RASGRF2: variants seen among roughly 807,000 people sequenced by gnomAD.
RASGRF2 encodes ras-specific guanine nucleotide-releasing factor 2.
A neutral mutation model predicts 151.0 loss-of-function variants in RASGRF2; 76 were observed. The ratio of observed to expected loss-of-function variants is 0.50; its 90% CI spans 0.42 to 0.61. RASGRF2 has a LOEUF of 0.61. RASGRF2 is among the 20% of genes least tolerant of loss of function. The probability of loss-of-function intolerance (pLI) is 0.00; values close to 1 mark genes in which losing one functional copy is unlikely to be tolerated. For missense variants in RASGRF2, 1,148 were observed against 1,564.6 expected (o/e 0.73, Z 4.49); for synonymous variants, 504 against 566.5 (o/e 0.89, Z 1.57).
chr5:81,205,383 T>C (rs896425213), intron 19 of RASGRF2, among the ~76,000 whole-genome samples: 3 of 152,226 alleles, frequency 2.0e-5, no homozygotes, highest in Non-Finnish European at 4.4e-5. Context: ...CTTTGAGCTT[T>C]TGTTTCCTTA....
intron 17 of RASGRF2, among the ~76,000 whole-genome samples, chr5:81,164,859 A>C (rs1210108183): frequency 6.6e-6 from 1 of 152,206 alleles, no homozygotes; most frequent in Non-Finnish European, 1.5e-5. Context: ...TAGGCGGGGC[A>C]GAAGAGGAAC....
chr5:81,068,013 T>C lies in RASGRF2; in HGVS notation c.396-19T>C. On this transcript the variant is annotated intron_variant, in intron 2 of 26. Transcript: ENST00000265080. ...GTAGAACAATATCTCAATGACTAAC[T>C]GTGTAATTTTCTCTCAAGTTATGCA... is the stretch of plus-strand genomic sequence containing the variant. The C allele has an allele frequency of 6.3e-7, 1 of 1,580,816 alleles. No homozygotes were observed. The highest frequency in any genetic ancestry group is 8.6e-7 in the Non-Finnish European group (1 of 1,161,096).
intron 17 of RASGRF2, among the ~76,000 whole-genome samples, chr5:81,162,522 A>ATTTTTTTTTTTTT (rs1754408940): frequency 1.3e-5 from 2 of 151,944 alleles, no homozygotes; most frequent in African/African-American, 4.8e-5. Context: ...TAATTTTTGT[A>ATTTTTTTTTTTTT]TATTTTAGTA....
chr5:81,197,804 T>C (rs1435689745), intron 18 of RASGRF2, among the ~76,000 whole-genome samples: 2 of 152,252 alleles, frequency 1.3e-5, no homozygotes, highest in African/African-American at 2.4e-5. Flanking sequence ...CATATAAAGA[T>C]ATAGTCTATC....
intron 1 of RASGRF2, among the ~76,000 whole-genome samples, chr5:80,994,235 A>G (rs183341944): frequency 0.013 from 2,010 of 151,938 alleles, 26 homozygotes; most frequent in African/African-American, 0.036. Context: ...GCGTGGTGGT[A>G]GGCGCCTGTA....
chr5:81,087,311 A>T (rs1393824501), intron 9 of RASGRF2: 2 of 702,956 alleles, frequency 2.8e-6, no homozygotes, highest in Admixed American at 4.0e-5. Context: ...GCCCAGGAGA[A>T]ACTTGCGTTG....
chr5:81,228,781 G>A lies in RASGRF2; in HGVS notation c.*3011G>A, dbSNP rs1295787458. ...AGATTCAGGCATGAAGTAAAACGTCGTCACTTTTCCTTAGTGCTTTTCTGA... is the reference window on the plus strand; with the variant it reads ...AGATTCAGGCATGAAGTAAAACGTCATCACTTTTCCTTAGTGCTTTTCTGA... On this transcript the variant is annotated 3_prime_UTR_variant, in exon 27 of 27. Transcript: ENST00000265080. 1.3e-5 allele frequency: 2 copies of A among 152,090 alleles called. No homozygotes were observed. The highest frequency in any genetic ancestry group is 1.9e-4 in the East Asian group (1 of 5,196). The allele number at this position is 152,090 out of a possible 1,614,324, so 9.4% of individuals were successfully genotyped here. A position where few individuals can be genotyped will look rare whatever the true frequency, so the allele number is the denominator to read the frequency against.
At chr5:81,055,077 G>A (rs1225458707) in intron 2 of RASGRF2, among the ~76,000 whole-genome samples, 4 of 152,282 alleles carry the variant, frequency 2.6e-5, no homozygotes, top group Admixed American at 2.6e-4. Context: ...TGCAAACGGG[G>A]ACAATTTGAC....
chr5:81,050,492 G>C (rs1750976106), intron 2 of RASGRF2, among the ~76,000 whole-genome samples: 1 of 152,062 alleles, frequency 6.6e-6, no homozygotes, highest in Non-Finnish European at 1.5e-5. Flanking sequence ...TGAGTTCTGG[G>C]ATGGAGTGAG....
At chr5:81,163,243 G>A (rs1472948885) in intron 17 of RASGRF2, among the ~76,000 whole-genome samples, 1 of 151,916 alleles carries the variant, frequency 6.6e-6, no homozygotes, top group African/African-American at 2.4e-5. Context: ...CCGTCTTCTG[G>A]GCCTTGATAC....
chr5:81,067,971 A>T, intron 2 of RASGRF2, 61 bp from the exon 3 acceptor site: 1 of 1,374,016 alleles, frequency 7.3e-7, no homozygotes, highest in Non-Finnish European at 9.7e-7. Flanking sequence ...ATTATATTCT[A>T]TATGGAACTC....
intron 22 of RASGRF2, among the ~76,000 whole-genome samples, chr5:81,211,185 T>C (rs1462830935): frequency 6.7e-6 from 1 of 149,844 alleles, no homozygotes; most frequent in Non-Finnish European, 1.5e-5. Flanking sequence ...GCGTGACCTC[T>C]TCCTAGAAGC....
rs1168876625 is a variant in RASGRF2 at position 81,225,711 on chromosome 5, A to G, written c.3655A>G (p.Ile1219Val). Residue 1219 changes from isoleucine to valine, a missense_variant, in exon 27 of 27, where the codon ATA (isoleucine) becomes GTA (valine). This residue lies in a region of RASGRF2 where 100 missense variants were observed against 148.2 expected (regional missense o/e 0.67). Transcript: ENST00000265080. ...GTACTTGCTTGACAAAGACCTTATC[A>G]TAGATGAAGATACGCTATATGAGCT... ...AQYLLDKDLIIDEDTLYELSL... is the reference protein window; with the variant it reads ...AQYLLDKDLIVDEDTLYELSL... The G allele has an allele frequency of 6.2e-7, 1 of 1,612,020 alleles. No individual in the cohort carries two copies. The highest frequency in any genetic ancestry group is 8.5e-7 in the Non-Finnish European group (1 of 1,179,542).
At position 81,170,548 on chromosome 5, in the gene RASGRF2, C is replaced by T. The variant is rs140398697; in HGVS notation, c.2687-9627C>T. Among the ~76,000 whole-genome samples, 6 of 152,282 alleles carry T rather than the reference C, an allele frequency of 3.9e-5. No individual in the cohort carries two copies. In the South Asian group the frequency reaches 1.0e-3, roughly 26 times the overall value. Reference sequence around the variant, plus strand: ...CCTCCATCAAGCAGAGCTGTCCCAGCCTTTTCAATCACTGCTCCTTCTGCT... The same window carrying T: ...CCTCCATCAAGCAGAGCTGTCCCAGTCTTTTCAATCACTGCTCCTTCTGCT... On this transcript the variant is annotated intron_variant, in intron 17 of 26. Transcript: ENST00000265080.
intron 17 of RASGRF2, among the ~76,000 whole-genome samples, chr5:81,160,180 A>G (rs57240191): frequency 0.13 from 19,854 of 152,114 alleles, 2,708 homozygotes; most frequent in African/African-American, 0.34. Context: ...AGCACTCTGG[A>G]AGGCCAAGGC....
At chr5:81,135,179 C>T (rs999362709) in intron 17 of RASGRF2, among the ~76,000 whole-genome samples, 1 of 151,352 alleles carries the variant, frequency 6.6e-6, no homozygotes. Flanking sequence ...TGGTGGCACA[C>T]GCCTGTAGTC....
Position 81,207,326 on chromosome 5 carries a change from C to G in RASGRF2, c.3048C>G (p.Val1016=). 1 of 1,614,102 alleles carries G rather than the reference C, an allele frequency of 6.2e-7. No homozygotes were observed. Among genetic ancestry groups the G allele is most frequent in the African/African-American group, 1.3e-5 (1 of 75,046 alleles). Reference sequence around the variant, plus strand: ...AACAGATCACCCTCCTGGACCATGTCATTTTCAGAAGCATTCCCTACGAGT... The same window carrying G: ...AACAGATCACCCTCCTGGACCATGTGATTTTCAGAAGCATTCCCTACGAGT... ...LAEQITLLDH[V]IFRSIPYEEF... is the part of the protein sequence containing the mutation. Residue 1016 remains valine, a synonymous_variant, in exon 21 of 27, where the codon GTC becomes GTG. Transcript: ENST00000265080.
intron 23 of RASGRF2, 114 bp from the exon 24 acceptor site, chr5:81,215,762 G>A (rs1755723020): frequency 4.7e-6 from 6 of 1,270,854 alleles, no homozygotes; most frequent in African/African-American, 1.6e-5. Context: ...CCTTTATTCT[G>A]GCAAAGGTGT....
chr5:81,176,357 T>C (rs1754774435), intron 17 of RASGRF2, among the ~76,000 whole-genome samples: 1 of 152,100 alleles, frequency 6.6e-6, no homozygotes, highest in African/African-American at 2.4e-5. Context: ...GAAAAGAAAA[T>C]AGCAAATATT....
Sources: gnomAD v4.1 joint callset for allele counts (sites outside exome capture counted in the v4.1 genomes callset) on GRCh38, gnomAD v4.1.1 for gene constraint, gnomAD v4.1.1 regional missense constraint, MANE v1.5 for transcripts, NCBI Gene and HGNC (gene_info 2026-07-23, HGNC 2026-07-21) for gene names.